MGAT4C: variants seen among roughly 807,000 people sequenced by gnomAD.
MGAT4C encodes alpha-1,3-mannosyl-glycoprotein 4-beta-N-acetylglucosaminyltransferase C.
MGAT4C carries 19 observed loss-of-function variants against 40.1 expected under a neutral mutation model. The observed-to-expected ratio is 0.47, with a 90% CI of 0.33 to 0.70. The LOEUF is 0.70. MGAT4C is among the 30% of genes least tolerant of loss of function. The pLI is 0.02. For synonymous variants in MGAT4C, 181 were observed against 187.1 expected (o/e 0.97, Z 0.27); for missense variants, 491 against 563.2 (o/e 0.87, Z 1.30).
chr12:86,078,476 A>C (rs1239655633), intron 1 of MGAT4C, among the ~76,000 whole-genome samples: 1 of 152,184 alleles, frequency 6.6e-6, no homozygotes, highest in Non-Finnish European at 1.5e-5. Flanking sequence ...AGGATAGGCA[A>C]ACCTATATCT....
chr12:86,225,789 T>TA (rs767320592), intron 1 of MGAT4C, among the ~76,000 whole-genome samples: 1 of 152,058 alleles, frequency 6.6e-6, no homozygotes, highest in Non-Finnish European at 1.5e-5. Context: ...TGAAGGAACA[T>TA]ACCTCTAAAT....
chr12:86,617,003 A>T (rs1381388488), intron 2 of MGAT4C, among the ~76,000 whole-genome samples: 1 of 152,208 alleles, frequency 6.6e-6, no homozygotes, highest in East Asian at 1.9e-4. Flanking sequence ...CTAGCAAAAA[A>T]AAATAATTTT....
chr12:86,462,963 A>G (rs1480429329), intron 2 of MGAT4C, among the ~76,000 whole-genome samples: 1 of 66,952 alleles, frequency 1.5e-5, no homozygotes, highest in Non-Finnish European at 2.8e-5. Flanking sequence ...ACCAAGAACA[A>G]TACTTTCCAT....
At chr12:86,305,375 A>G (rs1953907854) in intron 4 of MGAT4C, among the ~76,000 whole-genome samples, 1 of 148,750 alleles carries the variant, frequency 6.7e-6, no homozygotes, top group African/African-American at 2.6e-5. Flanking sequence ...GGAGGCAGAT[A>G]TTGTGGTGAG....
chr12:86,723,727 T>G (rs984448874), intron 2 of MGAT4C, among the ~76,000 whole-genome samples: 6 of 152,188 alleles, frequency 3.9e-5, no homozygotes, highest in African/African-American at 1.4e-4. Flanking sequence ...AGTCAATCCC[T>G]GAAGGACAGT....
intron 2 of MGAT4C, among the ~76,000 whole-genome samples, chr12:86,669,917 G>A (rs1388898493): frequency 1.3e-5 from 2 of 152,064 alleles, no homozygotes; most frequent in Non-Finnish European, 2.9e-5. Flanking sequence ...GGTATCAGAT[G>A]TGCATAAGGA....
At chr12:86,314,666 A>G (rs1354078545) in intron 4 of MGAT4C, among the ~76,000 whole-genome samples, 2 of 152,238 alleles carry the variant, frequency 1.3e-5, no homozygotes, top group Admixed American at 1.3e-4. Context: ...TTCAGGCAAA[A>G]ACCAGTAGCA....
At chr12:86,505,239 C>G (rs939559678) in intron 2 of MGAT4C, among the ~76,000 whole-genome samples, 3 of 152,034 alleles carry the variant, frequency 2.0e-5, no homozygotes, top group Non-Finnish European at 4.4e-5. Context: ...TATTTGCTTT[C>G]TGGCCTAATG....
chr12:86,504,954 T>A (rs553189471), intron 2 of MGAT4C, among the ~76,000 whole-genome samples: 1 of 152,228 alleles, frequency 6.6e-6, no homozygotes, highest in African/African-American at 2.4e-5. Context: ...AGCCAATCTA[T>A]TTTTTATTAA....
At chr12:86,036,584 T>C (rs570011136) in intron 2 of MGAT4C, among the ~76,000 whole-genome samples, 4 of 150,366 alleles carry the variant, frequency 2.7e-5, no homozygotes, top group African/African-American at 9.7e-5. Flanking sequence ...GTTCTGTTTA[T>C]GTGATGGATT....
At chr12:86,097,787 A>G (rs766798704) in intron 1 of MGAT4C, among the ~76,000 whole-genome samples, 2 of 151,666 alleles carry the variant, frequency 1.3e-5, no homozygotes, top group African/African-American at 2.4e-5. Flanking sequence ...ACTAATTTCT[A>G]CAACAATGGA....
At chr12:85,995,854 A>G (rs753145031) in intron 2 of MGAT4C, among the ~76,000 whole-genome samples, 7 of 152,222 alleles carry the variant, frequency 4.6e-5, no homozygotes, top group Non-Finnish European at 7.3e-5. Context: ...CCTAGGCAAC[A>G]GAATAACACC....
intron 1 of MGAT4C, among the ~76,000 whole-genome samples, chr12:86,057,723 C>A (rs958102132): frequency 6.6e-6 from 1 of 152,118 alleles, no homozygotes; most frequent in African/African-American, 2.4e-5. Context: ...GGGCAGAAAT[C>A]ATAGCATGCC....
At chr12:86,307,158 A>G (rs1305210424) in intron 4 of MGAT4C, among the ~76,000 whole-genome samples, 2 of 150,394 alleles carry the variant, frequency 1.3e-5, no homozygotes, top group Non-Finnish European at 2.9e-5. Flanking sequence ...GGTAACTGTC[A>G]GTTAAGATAG....
At chr12:86,139,631 A>G (rs1440084289) in intron 1 of MGAT4C, among the ~76,000 whole-genome samples, 3 of 152,086 alleles carry the variant, frequency 2.0e-5, no homozygotes, top group Admixed American at 6.6e-5. Flanking sequence ...ACTAACATGA[A>G]TCATTAATTA....
chr12:86,795,301 G>A (rs181023852), intron 1 of MGAT4C, among the ~76,000 whole-genome samples: 4 of 151,970 alleles, frequency 2.6e-5, no homozygotes, highest in African/African-American at 9.6e-5. Flanking sequence ...AAAATAACCT[G>A]TGTACCATTG....
chr12:86,628,908 A>C (rs1250560760), intron 2 of MGAT4C, among the ~76,000 whole-genome samples: 1 of 152,182 alleles, frequency 6.6e-6, no homozygotes, highest in East Asian at 1.9e-4. Flanking sequence ...TTAACCTTAA[A>C]TGTAAATGGA....
chr12:86,569,029 G>GA (rs1018503642), intron 2 of MGAT4C, among the ~76,000 whole-genome samples: 6 of 151,894 alleles, frequency 4.0e-5, no homozygotes, highest in African/African-American at 1.4e-4. Context: ...CCAAGGAGGT[G>GA]AAAAAATGGG....
intron 1 of MGAT4C, among the ~76,000 whole-genome samples, chr12:86,239,122 C>T (rs1951670125): frequency 6.6e-6 from 1 of 151,900 alleles, no homozygotes; most frequent in Admixed American, 6.6e-5. Context: ...TGTGTAATAG[C>T]AACTGCATTA....
Sources: gnomAD v4.1 joint callset for allele counts (sites outside exome capture counted in the v4.1 genomes callset) on GRCh38, gnomAD v4.1.1 for gene constraint, MANE v1.5 for transcripts, NCBI Gene and HGNC (gene_info 2026-07-23, HGNC 2026-07-21) for gene names.